Variants in COPS2 observed in about 807,000 individuals in gnomAD.
COPS2 encodes COP9 signalosome subunit 2.
In COPS2, 10 loss-of-function variants were observed where a neutral mutation model predicts 66.1. The observed-to-expected ratio is 0.15, with a 90% confidence interval of 0.09 to 0.26. The LOEUF (loss-of-function observed/expected upper bound fraction) is 0.26. Among genes scored for constraint, COPS2 ranks in the 10% least tolerant of loss-of-function variants. The pLI is 1.00. For missense variants in COPS2, 215 were observed against 513.3 expected (o/e 0.42, Z 5.62); for synonymous variants, 179 against 171.3 (o/e 1.04, Z -0.35).
intron 8 of COPS2, 40 bp downstream of exon 8, chr15:49,133,890 G>A: frequency 1.9e-6 from 3 of 1,554,926 alleles, no homozygotes; most frequent in Non-Finnish European, 2.6e-6. Flanking sequence ...TTTATTTCCA[G>A]ATAGCTGATA....
At chr15:49,132,255 A>G (rs948386167) in intron 9 of COPS2, among the ~76,000 whole-genome samples, 33 of 152,080 alleles carry the variant, frequency 2.2e-4, no homozygotes, top group African/African-American at 8.0e-4. Context: ...CTAATTCAAC[A>G]AATAAATTAA....
At chr15:49,128,381 CAAGT>C (rs961752031) in intron 12 of COPS2, among the ~76,000 whole-genome samples, 50 of 152,168 alleles carry the variant, frequency 3.3e-4, no homozygotes, top group African/African-American at 1.1e-3. Context: ...GTACTGTTTT[CAAGT>C]AAGATACAAT....
At chr15:49,153,512 C>G (rs2084376827) in intron 1 of COPS2, among the ~76,000 whole-genome samples, 2 of 152,088 alleles carry the variant, frequency 1.3e-5, no homozygotes, top group African/African-American at 4.8e-5. Flanking sequence ...AGAAGTAGAA[C>G]TACCATAAGA....
rs767982360 is a variant in COPS2, at chr15:49,137,328, G to A, written c.462+20C>T. The A allele has an allele frequency of 9.6e-6, 15 of 1,570,312 alleles. No individual in the cohort carries two copies. The highest frequency in any genetic ancestry group is 1.7e-4 in the Middle Eastern group (1 of 5,972). On this transcript the variant is annotated intron_variant, in intron 5 of 12. Coordinates refer to ENST00000388901, the MANE Select transcript of COPS2 (RefSeq NM_004236.4). ...CCCACCCACTTTTCAAAAGAAAAGT[G>A]TAAGTATTATAACGGTTACCTTTGT...
chr15:49,138,789 G>C (rs1350431645), intron 4 of COPS2, among the ~76,000 whole-genome samples: 1 of 152,010 alleles, frequency 6.6e-6, no homozygotes, highest in Non-Finnish European at 1.5e-5. Context: ...AGTACAAAAA[G>C]TATCAAATAT....
intron 6 of COPS2, among the ~76,000 whole-genome samples, chr15:49,134,931 T>C (rs1279061070): frequency 6.6e-6 from 1 of 152,136 alleles, no homozygotes; most frequent in African/African-American, 2.4e-5. Context: ...CCCTCATCAA[T>C]GTAGTGTTGA....
chr15:49,129,685 T>C, intron 10 of COPS2, 126 bp from the exon 11 acceptor site: 2 of 431,580 alleles, frequency 4.6e-6, no homozygotes, highest in East Asian at 3.8e-5. Context: ...ATAAAGTGTT[T>C]AGATTTTAAA....
intron 8 of COPS2, 52 bp from the exon 9 acceptor site, chr15:49,133,863 T>G: frequency 6.5e-7 from 1 of 1,545,694 alleles, no homozygotes; most frequent in South Asian, 1.2e-5. Flanking sequence ...AACAACATTT[T>G]AAAAAAAGAA....
At chr15:49,137,107 TTTA>T in intron 6 of COPS2, 40 bp downstream of exon 6, 1 of 1,230,762 alleles carries the variant, frequency 8.1e-7, no homozygotes, top group Non-Finnish European at 1.1e-6. Context: ...ATACTTTTTT[TTTA>T]TTATGAAGAA....
intron 9 of COPS2, among the ~76,000 whole-genome samples, chr15:49,132,500 A>C (rs1483508046): frequency 1.4e-5 from 2 of 144,482 alleles, no homozygotes; most frequent in African/African-American, 5.1e-5. Context: ...ACAGTCTAAT[A>C]GTGTTTTCTG....
In COPS2 at chr15:49,123,569, A is replaced by C. The variant is rs2084141005; in HGVS notation, c.*4381T>G. On this transcript the variant is annotated 3_prime_UTR_variant, in exon 13 of 13. Transcript: ENST00000388901. ...TTATTACATATGTATACATATGCAC[A>C]CAAAAAAGTTTTGGTCAGCTATTCA... is the stretch of plus-strand genomic sequence containing the variant. 6.6e-6 allele frequency: 1 copy of C among 152,228 alleles called. No individual in the cohort carries two copies. The highest frequency in any genetic ancestry group is 2.4e-5 in the African/African-American group (1 of 41,462). 9.4% of individuals were successfully genotyped at this position (152,228 alleles called of 1,614,324 possible).
chr15:49,136,115 C>G lies in COPS2; in HGVS notation c.540+1035G>C, dbSNP rs188564783. ...ATATCTGCAGGTGATTCATTTAGAACAGTTTCTTAATCGTTTCTCCCATTC... is the reference window on the plus strand; with the variant it reads ...ATATCTGCAGGTGATTCATTTAGAAGAGTTTCTTAATCGTTTCTCCCATTC... On this transcript the variant is annotated intron_variant, in intron 6 of 12. Coordinates refer to ENST00000388901, the MANE Select transcript of COPS2 (RefSeq NM_004236.4). 9.9e-5 allele frequency among the ~76,000 whole-genome samples: 15 copies of G among 152,140 alleles called. No homozygotes were observed. In the East Asian group the frequency reaches 2.9e-3, roughly 29 times the overall value.
At position 49,134,398 on chromosome 15, in the gene COPS2, T is replaced by C. The variant is rs2141125084; in HGVS notation, c.657A>G (p.Glu219=). The C allele has an allele frequency of 1.9e-6, 3 of 1,613,804 alleles. No homozygotes were observed. Among genetic ancestry groups the C allele is most frequent in the East Asian group, 4.5e-5 (2 of 44,872 alleles). The change falls in exon 7 of 13, where the codon GAA becomes GAG. Residue 219 remains glutamate, a synonymous_variant. Transcript: ENST00000388901. ...TGGCAGACTTGATGTGAAGTGACTG[T>C]TCATAGAGTGCTTTAAGTTTTTTGT... The part of the protein sequence containing the change: ...KNNKKLKALY[E]QSLHIKSAIP...
chr15:49,126,966 T>C lies in COPS2; in HGVS notation c.*984A>G, dbSNP rs1271608054. The C allele has an allele frequency of 6.6e-6, 1 of 152,200 alleles. No homozygotes were observed. The highest frequency in any genetic ancestry group is 1.5e-5 in the Non-Finnish European group (1 of 68,002). 9.4% of individuals were successfully genotyped at this position (152,200 alleles called of 1,614,324 possible). A position where few individuals can be genotyped will look rare whatever the true frequency, so the allele number is the denominator to read the frequency against. On this transcript the variant is annotated 3_prime_UTR_variant, in exon 13 of 13. Coordinates refer to ENST00000388901, the MANE Select transcript of COPS2 (RefSeq NM_004236.4). ...CAGCAGGTTTTGGGCAATGGTAGAT[T>C]GCTGGCATTAGGAAATAACCTTCCA...
chr15:49,137,289 CT>C, intron 5 of COPS2, 58 bp downstream of exon 5: 1 of 1,539,022 alleles, frequency 6.5e-7, no homozygotes, highest in Non-Finnish European at 8.9e-7. Context: ...CTTTAGGAGA[CT>C]TTATTAAAAA....
At chr15:49,135,408 T>G (rs1292368080) in intron 6 of COPS2, among the ~76,000 whole-genome samples, 1 of 152,132 alleles carries the variant, frequency 6.6e-6, no homozygotes, top group Non-Finnish European at 1.5e-5. Context: ...AAGCCAAGGT[T>G]CCCGGTCTCA....
rs371148340 is a variant in COPS2, at chr15:49,134,150, C to T, written c.716-42G>A. 1.4e-5 allele frequency: 21 copies of T among 1,532,486 alleles called. No homozygotes were observed. The African/African-American group carries it at 2.8e-4, about 20-fold the overall frequency. 94.9% of individuals were successfully genotyped at this position (1,532,486 alleles called of 1,614,324 possible). A position where few individuals can be genotyped will look rare whatever the true frequency, so the allele number is the denominator to read the frequency against. ...ATGAGAAAATAGGACATTTTCAGTT[C>T]TGTAATAACAAAACTGACCACCTCA... On this transcript the variant is annotated intron_variant, in intron 7 of 12. Transcript: ENST00000388901.
chr15:49,124,959 A>G lies in COPS2; in HGVS notation c.*2991T>C, dbSNP rs536051322. The G allele has an allele frequency of 6.6e-5, 10 of 152,320 alleles. 1 individual carries two copies. The East Asian group carries it at 1.9e-3, about 29-fold the overall frequency. 9.4% of individuals were successfully genotyped at this position (152,320 alleles called of 1,614,324 possible). A position where few individuals can be genotyped will look rare whatever the true frequency, so the allele number is the denominator to read the frequency against. On this transcript the variant is annotated 3_prime_UTR_variant, in exon 13 of 13. Transcript: ENST00000388901. ...TTTAGACTGACACTGACACCACAAA[A>G]GCATACATACCTGTGTTTACTGAAG... is the stretch of plus-strand genomic sequence containing the variant.
At chr15:49,141,371 C>A (rs559501531) in intron 3 of COPS2, among the ~76,000 whole-genome samples, 1 of 152,158 alleles carries the variant, frequency 6.6e-6, no homozygotes, top group East Asian at 1.9e-4. Flanking sequence ...GTGGCATGCG[C>A]CTGTAGTCCC....
Sources: gnomAD v4.1 joint callset for allele counts (sites outside exome capture counted in the v4.1 genomes callset) on GRCh38, gnomAD v4.1.1 for gene constraint, MANE v1.5 for transcripts, NCBI Gene and HGNC (gene_info 2026-07-23, HGNC 2026-07-21) for gene names.